The following PCDHGB1 variants were observed in gnomAD, a reference collection of about 807,000 sequenced individuals.
The protein encoded by PCDHGB1 is protocadherin gamma-B1.
A neutral mutation model predicts 56.6 loss-of-function variants in PCDHGB1; 34 were observed. The ratio of observed to expected loss-of-function variants is 0.60; its 90% CI spans 0.46 to 0.80. The LOEUF is 0.80. PCDHGB1 is among the 30% of genes least tolerant of loss of function. The pLI, the probability that PCDHGB1 is intolerant of heterozygous loss-of-function variation, is 0.00. For missense variants in PCDHGB1, 1,278 were observed against 1,204.6 expected, an observed-to-expected ratio of 1.06 and a Z score of -0.90; for synonymous variants, 561 against 505.9, an observed-to-expected ratio of 1.11 and a Z score of -1.46.
At chr5:141,381,271 T>G (rs1366742753) in intron 1 of PCDHGB1, among the ~76,000 whole-genome samples, 1 of 152,252 alleles carries the variant, frequency 6.6e-6, no homozygotes, top group Non-Finnish European at 1.5e-5. Context: ...CCAAGACTGT[T>G]TCTTGCCAGG....
At chr5:141,483,009 C>G (rs538900128) in intron 1 of PCDHGB1, among the ~76,000 whole-genome samples, 1 of 152,060 alleles carries the variant, frequency 6.6e-6, no homozygotes, top group South Asian at 2.1e-4. Context: ...TGCTTGAACC[C>G]GGGAGGCAGA....
intron 1 of PCDHGB1, chr5:141,419,733 AGGTGCGCATGGTGCGTGCTTTG>A (rs763538035): frequency 1.1e-5 from 18 of 1,613,646 alleles, no homozygotes; most frequent in Non-Finnish European, 1.4e-5. Context: ...CGAACAGGCG[AGGTGCGCATGGTGCGTGCTTTG>A]GGTGACAAGG....
At chr5:141,360,893 AG>A (rs753188026) in intron 1 of PCDHGB1, 17 of 1,614,046 alleles carry the variant, frequency 1.1e-5, no homozygotes, top group Non-Finnish European at 1.4e-5. Flanking sequence ...ACCCTGAGGG[AG>A]GACGTGCCGC....
chr5:141,431,227 C>G lies in PCDHGB1; in HGVS notation c.2410-63580C>G. ...CTGAGATGCGGTTCCCTCTACCCCA[C>G]GCCTGGGATCCGGATATCGGGAAGA... On this transcript the variant is annotated intron_variant, in intron 1 of 3. Coordinates refer to ENST00000523390, the MANE Select transcript of PCDHGB1 (RefSeq NM_018922.3). This position sits in a 1 kb window ranked among gnomAD's most constrained non-coding sequence, Gnocchi z 4.8. 6.2e-7 allele frequency: 1 copy of G among 1,614,180 alleles called. No individual in the cohort carries two copies. Among genetic ancestry groups the G allele is most frequent in the Non-Finnish European group, 8.5e-7 (1 of 1,180,042 alleles).
intron 1 of PCDHGB1, among the ~76,000 whole-genome samples, chr5:141,480,299 C>T: frequency 7.5e-6 from 1 of 132,466 alleles, no homozygotes; most frequent in Non-Finnish European, 1.6e-5. Flanking sequence ...CCTGTGGTAC[C>T]AGCTACTTGG....
At chr5:141,400,089 C>T (rs200160561) in intron 1 of PCDHGB1, 568 of 1,613,960 alleles carry the variant, frequency 3.5e-4, no homozygotes, top group Non-Finnish European at 4.6e-4. Flanking sequence ...CCGCCACCGC[C>T]ACGCTGCACT....
chr5:141,368,141 G>T (rs1204786185), intron 1 of PCDHGB1, among the ~76,000 whole-genome samples: 1 of 151,994 alleles, frequency 6.6e-6, no homozygotes, highest in Non-Finnish European at 1.5e-5. Flanking sequence ...TTCAAATTTT[G>T]TACTTTTAAA....
At chr5:141,375,609 C>T (rs755429700) in intron 1 of PCDHGB1, 8 of 1,614,226 alleles carry the variant, frequency 5.0e-6, no homozygotes, top group South Asian at 3.3e-5. Context: ...TCCATCAACT[C>T]CGACACTGGG....
At chr5:141,445,294 T>G (rs1012635904) in intron 1 of PCDHGB1, among the ~76,000 whole-genome samples, 2 of 152,238 alleles carry the variant, frequency 1.3e-5, no homozygotes. Flanking sequence ...CAGGCTTCCA[T>G]TCTCTTCAGT....
At chr5:141,488,578 G>A (rs1286219713) in intron 1 of PCDHGB1, among the ~76,000 whole-genome samples, 2 of 152,178 alleles carry the variant, frequency 1.3e-5, no homozygotes, top group Non-Finnish European at 2.9e-5. Flanking sequence ...AGCATTGCTG[G>A]AGAGTCAGGG....
chr5:141,421,895 G>A, intron 1 of PCDHGB1: 1 of 1,613,730 alleles, frequency 6.2e-7, no homozygotes, highest in African/African-American at 1.3e-5. Flanking sequence ...GATCCCATCC[G>A]AAAGGGCGCA....
At position 141,383,491 on chromosome 5, in the gene PCDHGB1, C is replaced by A. The variant is rs116533786; in HGVS notation, c.2409+30822C>A. ...TAAGTACCCGGAACTGGTGCTGGAG[C>A]GGGTGCTGGACCGGGAGGAAGAGCG... On this transcript the variant is annotated intron_variant, in intron 1 of 3. Transcript: ENST00000523390. 4.5e-4 allele frequency: 731 copies of A among 1,613,114 alleles called. 6 individuals are homozygous for A. In the African/African-American group the frequency reaches 7.9e-3, roughly 17 times the overall value.
At chr5:141,472,980 C>CAAAAAAAAAAAAAAAAAAA (rs60579131) in intron 1 of PCDHGB1, among the ~76,000 whole-genome samples, 6 of 86,104 alleles carry the variant, frequency 7.0e-5, no homozygotes, top group African/African-American at 1.2e-4. Context: ...GAGTGAAACT[C>CAAAAAAAAAAAAAAAAAAA]AAAAAAAAAA....
intron 1 of PCDHGB1, chr5:141,400,337 C>T: frequency 6.2e-7 from 1 of 1,614,080 alleles, no homozygotes; most frequent in Non-Finnish European, 8.5e-7. Context: ...GTGGTTCCCC[C>T]CAACTACAGT....
In PCDHGB1 at chr5:141,418,490, G is replaced by A. The variant is rs1473964718; in HGVS notation, c.2409+65821G>A. On this transcript the variant is annotated intron_variant, in intron 1 of 3. Coordinates refer to ENST00000523390, the MANE Select transcript of PCDHGB1 (RefSeq NM_018922.3). Reference sequence around the variant, plus strand: ...AGAAACGCAGAGCGCTCACCACTTGGTACTGACCGCCTTAGATGGTGGGGA... The same window carrying A: ...AGAAACGCAGAGCGCTCACCACTTGATACTGACCGCCTTAGATGGTGGGGA... 5.6e-6 allele frequency: 9 copies of A among 1,613,996 alleles called. No homozygotes were observed. In the East Asian group the frequency reaches 1.6e-4, roughly 28 times the overall value.
In PCDHGB1 at chr5:141,490,490, C is replaced by A. The variant is rs886264588; in HGVS notation, c.2410-4317C>A. The A allele has an allele frequency of 1.2e-6, 2 of 1,614,184 alleles. No individual in the cohort carries two copies. Among genetic ancestry groups the A allele is most frequent in the Non-Finnish European group, 1.7e-6 (2 of 1,180,028 alleles). ...AGCCAGCCTTTGGACCGGGAGGCCA[C>A]ATCCCACTATATCATCGAGCTGCTG... On this transcript the variant is annotated intron_variant, in intron 1 of 3. Transcript: ENST00000523390. The surrounding 1 kb of genome is among the most constrained non-coding windows in gnomAD (Gnocchi z 5.4).
intron 1 of PCDHGB1, chr5:141,427,241 T>C (rs1381559575): frequency 4.4e-6 from 2 of 456,696 alleles, no homozygotes; most frequent in Admixed American, 2.3e-5. Flanking sequence ...GAGTAGAAGC[T>C]AAGGATGGTG....
intron 1 of PCDHGB1, chr5:141,404,285 A>T (rs1195722797): frequency 1.9e-6 from 3 of 1,614,026 alleles, no homozygotes; most frequent in East Asian, 4.5e-5. Flanking sequence ...AGTGACTGAC[A>T]TCAATGATAA....
chr5:141,486,284 C>G lies in PCDHGB1; in HGVS notation c.2410-8523C>G, dbSNP rs1259853159. ...TGCAGAACCTGGCACTGTGGTGGCA[C>G]TTATCAGTGTGCAGGATCCAGACTC... On this transcript the variant is annotated intron_variant, in intron 1 of 3. Transcript: ENST00000523390. This position sits in a 1 kb window ranked among gnomAD's most constrained non-coding sequence, Gnocchi z 5.0. The G allele has an allele frequency of 6.2e-7, 1 of 1,614,050 alleles. No homozygotes were observed. The highest frequency in any genetic ancestry group is 8.5e-7 in the Non-Finnish European group (1 of 1,179,988).
Sources: gnomAD v4.1 joint callset for allele counts (sites outside exome capture counted in the v4.1 genomes callset) on GRCh38, gnomAD v4.1.1 for gene constraint, Gnocchi (gnomAD v3.1) non-coding constraint, MANE v1.5 for transcripts, NCBI Gene and HGNC (gene_info 2026-07-23, HGNC 2026-07-21) for gene names.